Variants in WWOX observed in about 807,000 individuals in gnomAD.
The protein encoded by WWOX is WW domain containing oxidoreductase.
Under a neutral mutation model 46.2 loss-of-function variants are expected in WWOX, and 69 were observed. That is an observed-to-expected ratio of 1.49 (90% CI 1.23 to 1.82). WWOX has a LOEUF of 1.82. Ranked by LOEUF, WWOX falls within the 40% of genes most tolerant of loss-of-function variation. WWOX has a pLI of 0.00. For missense variants in WWOX, 919 were observed against 542.6 expected (o/e 1.69, Z -6.89); for synonymous variants, 359 against 202.6 (o/e 1.77, Z -6.56).
At chr16:78,450,685 C>G (rs1246115362) in intron 8 of WWOX, among the ~76,000 whole-genome samples, 4 of 152,094 alleles carry the variant, frequency 2.6e-5, no homozygotes, top group Non-Finnish European at 5.9e-5. Flanking sequence ...GATCTTAGAA[C>G]ATAACATTTC....
At chr16:78,369,650 C>T (rs1183898773) in intron 5 of WWOX, among the ~76,000 whole-genome samples, 2 of 151,248 alleles carry the variant, frequency 1.3e-5, no homozygotes, top group East Asian at 2.0e-4. Flanking sequence ...TGTTATCCAT[C>T]CTATTGTGGG....
chr16:78,417,258 G>T (rs979895654), intron 6 of WWOX, among the ~76,000 whole-genome samples: 1 of 151,690 alleles, frequency 6.6e-6, no homozygotes, highest in Non-Finnish European at 1.5e-5. Flanking sequence ...TTTTAGTTTT[G>T]AGTTTTTAAT....
chr16:78,877,597 G>C (rs2044260326), intron 8 of WWOX, among the ~76,000 whole-genome samples: 1 of 152,106 alleles, frequency 6.6e-6, no homozygotes, highest in African/African-American at 2.4e-5. Context: ...ATATCACATA[G>C]ATACAGACAT....
intron 8 of WWOX, among the ~76,000 whole-genome samples, chr16:78,447,573 C>T (rs560842213): frequency 1.2e-4 from 18 of 152,148 alleles, no homozygotes; most frequent in Non-Finnish European, 1.3e-4. Context: ...ACATGCATGC[C>T]TCCCCTTAGA....
chr16:79,011,355 C>T (rs937055155), intron 8 of WWOX, among the ~76,000 whole-genome samples: 6 of 151,940 alleles, frequency 3.9e-5, no homozygotes, highest in Admixed American at 1.3e-4. Flanking sequence ...TTCATGTCTC[C>T]AATCCTGCCC....
At chr16:79,023,985 T>C (rs915339942) in intron 8 of WWOX, among the ~76,000 whole-genome samples, 3 of 151,982 alleles carry the variant, frequency 2.0e-5, no homozygotes, top group Admixed American at 1.3e-4. Context: ...TTATATTAAG[T>C]GAAAGAAACC....
chr16:78,708,606 G>C (rs1398413389), intron 8 of WWOX, among the ~76,000 whole-genome samples: 1 of 152,152 alleles, frequency 6.6e-6, no homozygotes, highest in Non-Finnish European at 1.5e-5. Context: ...AAACCTAGGG[G>C]TCAGAGAGGT....
chr16:78,100,706 C>T (rs4887936), intron 1 of WWOX, among the ~76,000 whole-genome samples: 124,788 of 152,214 alleles, frequency 0.82, 51,289 homozygotes, highest in East Asian at 0.86. Context: ...TGGGTTGATA[C>T]GAGGGTCAGT....
chr16:78,935,147 C>T (rs955019964), intron 8 of WWOX, among the ~76,000 whole-genome samples: 1 of 152,178 alleles, frequency 6.6e-6, no homozygotes, highest in Non-Finnish European at 1.5e-5. Flanking sequence ...CACTTTTACA[C>T]TGTTGGTGGG....
At chr16:78,588,229 A>C (rs1043554006) in intron 8 of WWOX, among the ~76,000 whole-genome samples, 1 of 152,346 alleles carries the variant, frequency 6.6e-6, no homozygotes, top group Admixed American at 6.5e-5. Flanking sequence ...TGTAGATGAC[A>C]ATAGCCTCAA....
intron 8 of WWOX, among the ~76,000 whole-genome samples, chr16:78,512,424 G>C (rs974237449): frequency 2.0e-5 from 3 of 152,118 alleles, no homozygotes; most frequent in African/African-American, 4.8e-5. Flanking sequence ...GAGTGTTTCT[G>C]ATTTTAAAAA....
chr16:78,832,161 G>T (rs1290709820), intron 8 of WWOX, among the ~76,000 whole-genome samples: 1 of 152,192 alleles, frequency 6.6e-6, no homozygotes, highest in Non-Finnish European at 1.5e-5. Context: ...GGCTGGGGCT[G>T]CAGTCTCAGA....
At chr16:78,763,593 C>T (rs930171951) in intron 8 of WWOX, among the ~76,000 whole-genome samples, 3 of 152,258 alleles carry the variant, frequency 2.0e-5, no homozygotes, top group Non-Finnish European at 2.9e-5. Context: ...TTTTCACTGC[C>T]GAGTTGCTGT....
intron 8 of WWOX, among the ~76,000 whole-genome samples, chr16:78,548,954 C>A (rs1274284577): frequency 6.6e-6 from 1 of 152,062 alleles, no homozygotes; most frequent in African/African-American, 2.4e-5. Context: ...CAAATATAGC[C>A]CCAAACTGGC....
intron 8 of WWOX, among the ~76,000 whole-genome samples, chr16:78,951,709 C>G (rs1364942919): frequency 2.0e-5 from 3 of 152,084 alleles, no homozygotes; most frequent in Admixed American, 2.0e-4. Flanking sequence ...ACCGGGGAAC[C>G]AGGTGAGGGG....
chr16:78,894,020 T>TTTACTATTA (rs1555561418), intron 8 of WWOX, among the ~76,000 whole-genome samples: 2 of 140,080 alleles, frequency 1.4e-5, no homozygotes, highest in African/African-American at 5.2e-5. Flanking sequence ...TATTGAGGCT[T>TTTACTATTA]TTATTATTAT....
At chr16:79,184,146 A>G (rs921617094) in intron 8 of WWOX, among the ~76,000 whole-genome samples, 8 of 152,224 alleles carry the variant, frequency 5.3e-5, no homozygotes, top group Non-Finnish European at 1.0e-4. Flanking sequence ...TGGATTGTAA[A>G]TTAAACCCTC....
intron 5 of WWOX, among the ~76,000 whole-genome samples, chr16:78,316,595 G>C (rs536788708): frequency 6.6e-6 from 1 of 152,038 alleles, no homozygotes; most frequent in African/African-American, 2.4e-5. Flanking sequence ...TGCCCGTCTC[G>C]GCCTCCCAAA....
intron 8 of WWOX, among the ~76,000 whole-genome samples, chr16:78,765,025 C>T (rs1017937419): frequency 2.6e-5 from 4 of 152,134 alleles, no homozygotes; most frequent in African/African-American, 4.8e-5. Flanking sequence ...GGACAAGAAC[C>T]CAGATCCCTG....
Sources: gnomAD v4.1 joint callset for allele counts (sites outside exome capture counted in the v4.1 genomes callset) on GRCh38, gnomAD v4.1.1 for gene constraint, MANE v1.5 for transcripts, NCBI Gene and HGNC (gene_info 2026-07-23, HGNC 2026-07-21) for gene names.